MSI2: variants seen among roughly 807,000 people sequenced by gnomAD.
MSI2 encodes the protein musashi RNA binding protein 2.
Under a neutral mutation model 45.6 loss-of-function variants are expected in MSI2, and 17 were observed. The ratio of observed to expected loss-of-function variants is 0.37; its 90% CI spans 0.26 to 0.56. The LOEUF (loss-of-function observed/expected upper bound fraction) is 0.56. MSI2 is among the 20% of genes least tolerant of loss of function. The pLI, the probability that MSI2 is intolerant of heterozygous loss-of-function variation, is 0.77. For missense variants in MSI2, 293 were observed against 444.2 expected (o/e 0.66, Z 3.06); for synonymous variants, 156 against 158.2 (o/e 0.99, Z 0.11).
chr17:57,682,346 T>C lies in MSI2; in HGVS notation c.*2829T>C, dbSNP rs1257614528. On this transcript the variant is annotated 3_prime_UTR_variant, in exon 14 of 14. Coordinates refer to ENST00000284073, the MANE Select transcript of MSI2 (RefSeq NM_138962.4). Reference sequence around the variant, plus strand: ...CCCCCCCCCACCCACTGTGAAGGGGTGCCATACTACCTTAAATGCTAATGC... The same window carrying C: ...CCCCCCCCCACCCACTGTGAAGGGGCGCCATACTACCTTAAATGCTAATGC... The C allele has an allele frequency of 2.1e-5, 2 of 97,402 alleles. No individual in the cohort carries two copies. The highest frequency in any genetic ancestry group is 1.6e-4 in the Admixed American group (1 of 6,124). The allele number at this position is 97,402 out of a possible 1,614,324, so 6.0% of individuals were successfully genotyped here. A position where few individuals can be genotyped will look rare whatever the true frequency, so the allele number is the denominator to read the frequency against.
chr17:57,350,049 G>A (rs1915889810), intron 5 of MSI2, among the ~76,000 whole-genome samples: 1 of 152,146 alleles, frequency 6.6e-6, no homozygotes, highest in Admixed American at 6.5e-5. Flanking sequence ...TTGCTGCCTG[G>A]CGCTGTGTGA....
chr17:57,535,013 G>A (rs1486925086), intron 7 of MSI2, among the ~76,000 whole-genome samples: 1 of 152,210 alleles, frequency 6.6e-6, no homozygotes, highest in Non-Finnish European at 1.5e-5. Context: ...CTGGAGGGGA[G>A]GGACAGGGAG....
chr17:57,573,808 G>A (rs993438526), intron 7 of MSI2, among the ~76,000 whole-genome samples: 1 of 152,212 alleles, frequency 6.6e-6, no homozygotes, highest in Non-Finnish European at 1.5e-5. Context: ...TGGAAGGAGG[G>A]CATGGACAGT....
chr17:57,645,787 C>T (rs779317209), intron 10 of MSI2, among the ~76,000 whole-genome samples: 23 of 152,096 alleles, frequency 1.5e-4, no homozygotes, highest in Admixed American at 5.2e-4. Flanking sequence ...TAATCAGAAT[C>T]GCAGGGGTGG....
chr17:57,688,885 T>A (rs540199743), downstream of MSI2, among the ~76,000 whole-genome samples: 9 of 152,270 alleles, frequency 5.9e-5, no homozygotes, highest in East Asian at 1.2e-3. Flanking sequence ...AATTTAAAAA[T>A]TTTTTTAAGT....
rs1050235722 is a variant in MSI2 at position 57,612,151 on chromosome 17, G to A, written c.538-3819G>A. 7.3e-5 allele frequency among the ~76,000 whole-genome samples: 7 copies of A among 95,380 alleles called. 2 individuals are homozygous for A. Among genetic ancestry groups the A allele is most frequent in the African/African-American group, 1.6e-4 (5 of 30,666 alleles). 62.6% of individuals were successfully genotyped at this position (95,380 alleles called of 152,430 possible). A position where few individuals can be genotyped will look rare whatever the true frequency, so the allele number is the denominator to read the frequency against. On this transcript the variant is annotated intron_variant, in intron 8 of 13. Transcript: ENST00000284073. ...GACCCGATGTGGGCTAACTCAAGACGCTCGAGAGGCTAACAAGTGCAGAAG... is the reference window on the plus strand; with the variant it reads ...GACCCGATGTGGGCTAACTCAAGACACTCGAGAGGCTAACAAGTGCAGAAG...
chr17:57,333,677 G>A (rs56877550), intron 5 of MSI2, among the ~76,000 whole-genome samples: 9,362 of 151,984 alleles, frequency 0.062, 437 homozygotes, highest in East Asian at 0.18. Flanking sequence ...CCTGACCTCA[G>A]GTGATCTGCT....
intron 5 of MSI2, among the ~76,000 whole-genome samples, chr17:57,350,136 C>G (rs1915898992): frequency 6.6e-6 from 1 of 151,946 alleles, no homozygotes; most frequent in African/African-American, 2.4e-5. Context: ...AGGTTGTAAT[C>G]TTCTCAGAAT....
At chr17:57,320,009 C>T (rs1378076197) in intron 5 of MSI2, among the ~76,000 whole-genome samples, 1 of 152,076 alleles carries the variant, frequency 6.6e-6, no homozygotes, top group African/African-American at 2.4e-5. Flanking sequence ...AGCTGTGAGT[C>T]CCCCACCCCT....
chr17:57,483,431 A>C (rs954407049), intron 6 of MSI2, among the ~76,000 whole-genome samples: 1 of 152,188 alleles, frequency 6.6e-6, no homozygotes, highest in Non-Finnish European at 1.5e-5. Context: ...GGGCTTATTC[A>C]AACACAAATG....
chr17:57,531,401 G>A (rs920806162), intron 7 of MSI2, among the ~76,000 whole-genome samples: 2 of 152,150 alleles, frequency 1.3e-5, no homozygotes, highest in African/African-American at 2.4e-5. Context: ...ACCTCCGTCC[G>A]GTTGGAAAAA....
intron 10 of MSI2, chr17:57,632,002 C>T (rs1909421896): frequency 1.1e-5 from 15 of 1,383,706 alleles, no homozygotes; most frequent in Non-Finnish European, 1.4e-5. Context: ...CTCATGTCCT[C>T]ATTGCTTCAC....
intron 11 of MSI2, among the ~76,000 whole-genome samples, chr17:57,659,612 T>A (rs1463254783): frequency 6.6e-6 from 1 of 152,194 alleles, no homozygotes; most frequent in Admixed American, 6.5e-5. Context: ...TGAAGAACCC[T>A]GGACTTGAAC....
rs143628142 is a variant in MSI2, at chr17:57,507,044, G to C, written c.406-22632G>C. On this transcript the variant is annotated intron_variant, in intron 6 of 13. Transcript: ENST00000284073. ...TTGACATGGTGAATGTTTTCCTAGT[G>C]TTGAATCCATAATGTATTTGGTATG... Among the ~76,000 whole-genome samples the C allele has an allele frequency of 5.3e-3, 805 of 152,130 alleles. 7 individuals are homozygous for C. The highest frequency in any genetic ancestry group is 0.018 in the African/African-American group (740 of 41,482).
intron 6 of MSI2, among the ~76,000 whole-genome samples, chr17:57,515,857 G>T (rs1319977907): frequency 6.6e-6 from 1 of 152,050 alleles, no homozygotes; most frequent in Non-Finnish European, 1.5e-5. Flanking sequence ...ATCTGCCATG[G>T]GGTTTCTTGA....
intron 5 of MSI2, among the ~76,000 whole-genome samples, chr17:57,400,442 A>T (rs573311779): frequency 1.3e-5 from 2 of 152,140 alleles, no homozygotes; most frequent in African/African-American, 4.8e-5. Flanking sequence ...ACATTTTTTC[A>T]CACGTACATC....
At chr17:57,425,229 G>A (rs1228291534) in intron 6 of MSI2, among the ~76,000 whole-genome samples, 1 of 152,244 alleles carries the variant, frequency 6.6e-6, no homozygotes, top group Non-Finnish European at 1.5e-5. Flanking sequence ...GCTGGGATCA[G>A]TGGTGAAGAA....
chr17:57,506,682 C>T (rs116353977), intron 6 of MSI2, among the ~76,000 whole-genome samples: 2,232 of 152,278 alleles, frequency 0.015, 57 homozygotes, highest in African/African-American at 0.049. Flanking sequence ...CTTCCAGAAC[C>T]GTTCAAACAT....
downstream of MSI2, among the ~76,000 whole-genome samples, chr17:57,686,662 T>C (rs980576163): frequency 1.3e-5 from 2 of 152,142 alleles, no homozygotes; most frequent in Admixed American, 1.3e-4. Context: ...TCCACAGCAA[T>C]ATTATGTCAT....
Sources: allele counts gnomAD v4.1 joint callset (sites outside exome capture counted in the v4.1 genomes callset), GRCh38; gene constraint gnomAD v4.1.1; transcripts MANE v1.5; gene names NCBI Gene and HGNC (gene_info 2026-07-23, HGNC 2026-07-21).